LANCL3: variants seen among roughly 807,000 people sequenced by gnomAD.
LANCL3 encodes the protein lanC-like protein 3.
LANCL3 carries 19 observed loss-of-function variants against 26.5 expected under a neutral mutation model. The ratio of observed to expected loss-of-function variants is 0.72; its 90% CI spans 0.50 to 1.05. The LOEUF is 1.05. Ranked by LOEUF, LANCL3 falls within the 50% of genes least tolerant of loss-of-function variation. The probability of loss-of-function intolerance (pLI) is 0.00; values close to 1 mark genes in which losing one functional copy is unlikely to be tolerated. For missense variants in LANCL3, 318 were observed against 362.7 expected, an observed-to-expected ratio of 0.88 and a Z score of 1.00; for synonymous variants, 160 against 166.6, an observed-to-expected ratio of 0.96 and a Z score of 0.30.
intron 1 of LANCL3, among the ~76,000 whole-genome samples, chrX:37,587,806 C>T (rs1395690864): frequency 8.9e-6 from 1 of 112,189 alleles, no homozygotes; most frequent in East Asian, 2.8e-4. Context: ...CTCTGTCCTG[C>T]ACCCACTTTC....
chrX:37,632,767 T>C (rs1282583819), intron 1 of LANCL3, among the ~76,000 whole-genome samples: 5 of 111,795 alleles, frequency 4.5e-5, no homozygotes, highest in African/African-American at 1.6e-4. Context: ...TCTTTAAGAA[T>C]GTTGAATATT....
intron 1 of LANCL3, among the ~76,000 whole-genome samples, chrX:37,594,689 G>A (rs1602099584): frequency 8.9e-6 from 1 of 112,028 alleles, no homozygotes; most frequent in Admixed American, 9.5e-5. Flanking sequence ...TGACTGAATG[G>A]CAATTGTTTT....
At chrX:37,615,722 C>A (rs1287932458) in intron 1 of LANCL3, among the ~76,000 whole-genome samples, 1 of 111,563 alleles carries the variant, frequency 9.0e-6, no homozygotes, top group Non-Finnish European at 1.9e-5. Context: ...TTGTTCCACC[C>A]TTGCTGTTAG....
chrX:37,633,290 C>G (rs1192351867), intron 1 of LANCL3, among the ~76,000 whole-genome samples: 2 of 111,223 alleles, frequency 1.8e-5, no homozygotes, highest in African/African-American at 6.5e-5. Context: ...AGTTCTCGAG[C>G]CTTGGCTTTC....
intron 1 of LANCL3, among the ~76,000 whole-genome samples, chrX:37,649,446 T>G (rs999894832): frequency 2.5e-4 from 28 of 110,169 alleles, no homozygotes; most frequent in African/African-American, 7.3e-4. Context: ...ACACACCAGG[T>G]CCTGTTGGGG....
chrX:37,647,170 CA>C (rs1448773285), intron 1 of LANCL3, among the ~76,000 whole-genome samples: 28 of 110,499 alleles, frequency 2.5e-4, no homozygotes, highest in African/African-American at 9.2e-4. Context: ...AAAAATTAGC[CA>C]GGCGTGGTGG....
At position 37,577,155 on chromosome X, in the gene LANCL3, A is replaced by T. The variant is rs181907408; in HGVS notation, c.573+4712A>T. 3.3e-3 allele frequency among the ~76,000 whole-genome samples: 369 copies of T among 112,532 alleles called. 2 individuals are homozygous for T. Among genetic ancestry groups the T allele is most frequent in the African/African-American group, 0.011 (338 of 30,982 alleles). On this transcript the variant is annotated intron_variant, in intron 1 of 4. Transcript: ENST00000378619. ...GAGTGGATTGACAATATTAAGAATG[A>T]TAACAAGGGGGACTGGTTATGGGGG...
At chrX:37,588,312 A>G (rs569721092) in intron 1 of LANCL3, among the ~76,000 whole-genome samples, 4 of 111,470 alleles carry the variant, frequency 3.6e-5, no homozygotes, top group Non-Finnish European at 5.7e-5. Flanking sequence ...AACTGGTTCA[A>G]CAGTTCGTGA....
At chrX:37,573,324 A>T (rs1394588905) in intron 1 of LANCL3, among the ~76,000 whole-genome samples, 1 of 112,408 alleles carries the variant, frequency 8.9e-6, no homozygotes, top group Non-Finnish European at 1.9e-5. Context: ...ACTTTCATTC[A>T]TAATCCCCTG....
chrX:37,630,220 TGG>T (rs1238277382), intron 1 of LANCL3, among the ~76,000 whole-genome samples: 19 of 111,503 alleles, frequency 1.7e-4, no homozygotes, highest in Middle Eastern at 4.6e-3. Flanking sequence ...CAATTGTGAA[TGG>T]GAGTTCACTC....
intron 1 of LANCL3, among the ~76,000 whole-genome samples, chrX:37,587,313 T>C (rs1236753831): frequency 8.9e-6 from 1 of 112,629 alleles, no homozygotes; most frequent in Admixed American, 9.3e-5. Flanking sequence ...ACCACTACTC[T>C]CTTCAAAGCT....
chrX:37,601,118 T>C (rs1013530503), intron 1 of LANCL3, among the ~76,000 whole-genome samples: 1 of 111,764 alleles, frequency 8.9e-6, no homozygotes, highest in African/African-American at 3.3e-5. Flanking sequence ...AGTAGCATAT[T>C]GTGGGTAATT....
chrX:37,618,118 C>T (rs1345849998), intron 1 of LANCL3, among the ~76,000 whole-genome samples: 1 of 111,836 alleles, frequency 8.9e-6, no homozygotes, highest in Non-Finnish European at 1.9e-5. Flanking sequence ...TTCTCTGGGC[C>T]CCTCTCCCTG....
chrX:37,600,480 C>A lies in LANCL3; in HGVS notation c.573+28037C>A, dbSNP rs190019282. Reference sequence around the variant, plus strand: ...GAAAAATTAATATCATTGGATGAGTCAAATATATTAATTATTGGTGCCACA... The same window carrying A: ...GAAAAATTAATATCATTGGATGAGTAAAATATATTAATTATTGGTGCCACA... On this transcript the variant is annotated intron_variant, in intron 1 of 4. Transcript: ENST00000378619. Among the ~76,000 whole-genome samples the A allele has an allele frequency of 1.8e-3, 201 of 111,747 alleles. 1 individual carries two copies. Among genetic ancestry groups the A allele is most frequent in the African/African-American group, 6.0e-3 (186 of 30,765 alleles).
At chrX:37,578,416 C>T (rs1398770906) in intron 1 of LANCL3, among the ~76,000 whole-genome samples, 1 of 112,267 alleles carries the variant, frequency 8.9e-6, no homozygotes, top group Non-Finnish European at 1.9e-5. Context: ...GTCTTGTGAC[C>T]TCCTTTATCC....
At position 37,678,645 on chromosome X, in the gene LANCL3, T is replaced by C. The variant is rs1926868340; in HGVS notation, c.*2832T>C. On this transcript the variant is annotated 3_prime_UTR_variant, in exon 5 of 5. Coordinates refer to ENST00000378619, the MANE Select transcript of LANCL3 (RefSeq NM_001170331.2). ...ACACACACCCCAGAATATTATACAT[T>C]TTTATTTTGCCCAAGCCTGTTTCAG... 9.0e-6 allele frequency: 1 copy of C among 111,638 alleles called. No homozygotes were observed. Among genetic ancestry groups the C allele is most frequent in the African/African-American group, 3.3e-5 (1 of 30,705 alleles). The allele number at this position is 111,638 out of a possible 1,213,427, so 9.2% of individuals were successfully genotyped here.
At chrX:37,664,950 A>G (rs1556433465) in intron 3 of LANCL3, among the ~76,000 whole-genome samples, 1 of 111,119 alleles carries the variant, frequency 9.0e-6, no homozygotes, top group Non-Finnish European at 1.9e-5. Context: ...TTATTTATCC[A>G]TTCCACCACT....
At chrX:37,587,409 G>A (rs782611095) in intron 1 of LANCL3, among the ~76,000 whole-genome samples, 1 of 112,869 alleles carries the variant, frequency 8.9e-6, no homozygotes, top group South Asian at 3.6e-4. Context: ...GTCTACAGAG[G>A]CAGGCAGGCC....
intron 3 of LANCL3, among the ~76,000 whole-genome samples, chrX:37,663,464 G>A (rs1306371714): frequency 1.8e-5 from 2 of 111,624 alleles, no homozygotes; most frequent in African/African-American, 6.5e-5. Context: ...ACTGTAGGTG[G>A]TTTGGTTCTA....
Sources: gnomAD v4.1 joint callset for allele counts (sites outside exome capture counted in the v4.1 genomes callset) on GRCh38, gnomAD v4.1.1 for gene constraint, MANE v1.5 for transcripts, NCBI Gene and HGNC (gene_info 2026-07-23, HGNC 2026-07-21) for gene names.